Variants in FAM184B observed in about 807,000 individuals in gnomAD.
FAM184B encodes protein FAM184B.
Under a neutral mutation model 135.9 loss-of-function variants are expected in FAM184B, and 111 were observed. That is an observed-to-expected ratio of 0.82 (90% CI 0.70 to 0.96). FAM184B has a LOEUF of 0.96. Among genes scored for constraint, FAM184B ranks in the 40% least tolerant of loss-of-function variants. The pLI is 0.00. For missense variants in FAM184B, 1,375 were observed against 1,323.9 expected, an observed-to-expected ratio of 1.04 and a Z score of -0.60; for synonymous variants, 552 against 524.8, an observed-to-expected ratio of 1.05 and a Z score of -0.71.
At chr4:17,763,832 G>C (rs905582120) in intron 1 of FAM184B, among the ~76,000 whole-genome samples, 13 of 152,154 alleles carry the variant, frequency 8.5e-5, no homozygotes, top group African/African-American at 3.1e-4. Flanking sequence ...TGTTTGAGGG[G>C]CATGCTTTTT....
At chr4:17,684,557 C>T (rs1327169190) in intron 7 of FAM184B, among the ~76,000 whole-genome samples, 2 of 152,182 alleles carry the variant, frequency 1.3e-5, no homozygotes, top group African/African-American at 2.4e-5. Context: ...CATTGTTTTC[C>T]AGCTATTTGT....
intron 1 of FAM184B, among the ~76,000 whole-genome samples, chr4:17,748,011 G>A (rs1718210604): frequency 6.8e-6 from 1 of 147,864 alleles, no homozygotes; most frequent in Non-Finnish European, 1.5e-5. Flanking sequence ...GGCTGAGGCA[G>A]GAGAATCGCT....
At chr4:17,677,618 T>C (rs1047430721) in intron 7 of FAM184B, among the ~76,000 whole-genome samples, 2 of 152,156 alleles carry the variant, frequency 1.3e-5, no homozygotes, top group East Asian at 1.9e-4. Context: ...ATTAATCCTA[T>C]TGACACTAAT....
chr4:17,638,898 C>G (rs1261324007), intron 14 of FAM184B, among the ~76,000 whole-genome samples: 1 of 152,166 alleles, frequency 6.6e-6, no homozygotes, highest in East Asian at 1.9e-4. Context: ...GTGCAGGGTC[C>G]TGATCTCCGT....
chr4:17,777,496 A>C (rs1577299741), intron 1 of FAM184B, among the ~76,000 whole-genome samples: 1 of 152,244 alleles, frequency 6.6e-6, no homozygotes, highest in East Asian at 1.9e-4. Flanking sequence ...TAAATATTAA[A>C]AAAACTGTTA....
chr4:17,781,365 C>T lies in FAM184B; in HGVS notation c.-66G>A. On this transcript the variant is annotated 5_prime_UTR_variant, in exon 1 of 18. Transcript: ENST00000265018. This position sits in a 1 kb window ranked among gnomAD's most constrained non-coding sequence, Gnocchi z 6.5. ...CCTGCCCACCGTGTGCACGTGCGTG[C>T]GCGCGCGGGCGTGCGAGCGTGTGGG... 1 of 1,405,132 alleles carries T rather than the reference C, an allele frequency of 7.1e-7. No individual in the cohort carries two copies. The highest frequency in any genetic ancestry group is 9.3e-7 in the Non-Finnish European group (1 of 1,072,918). The allele number at this position is 1,405,132 out of a possible 1,614,324, so 87.0% of individuals were successfully genotyped here.
In FAM184B at chr4:17,707,915, G is replaced by C. The variant is rs1021130144; in HGVS notation, c.895-131C>G. ...AGAAGCCCTGAGTCAGTGGAATTCA[G>C]TGGCCCAGGGCTCATCAAATCTCTC... is the stretch of plus-strand genomic sequence containing the variant. On this transcript the variant is annotated intron_variant, in intron 2 of 17. Coordinates refer to ENST00000265018, the MANE Select transcript of FAM184B (RefSeq NM_015688.2). 1.1e-5 allele frequency: 11 copies of C among 982,818 alleles called. No homozygotes were observed. The Admixed American group carries it at 1.8e-4, about 16-fold the overall frequency. 60.9% of individuals were successfully genotyped at this position (982,818 alleles called of 1,614,324 possible). A position where few individuals can be genotyped will look rare whatever the true frequency, so the allele number is the denominator to read the frequency against.
chr4:17,742,719 C>T (rs1320354996), intron 1 of FAM184B, among the ~76,000 whole-genome samples: 1 of 152,214 alleles, frequency 6.6e-6, no homozygotes, highest in Non-Finnish European at 1.5e-5. Context: ...CCTTCCCATC[C>T]CGTTGGCAGC....
intron 15 of FAM184B, among the ~76,000 whole-genome samples, chr4:17,635,864 G>C (rs994616084): frequency 7.9e-5 from 12 of 152,158 alleles, no homozygotes; most frequent in Non-Finnish European, 1.0e-4. Context: ...AAGGGGCTTA[G>C]GGAGTGGCTT....
intron 7 of FAM184B, among the ~76,000 whole-genome samples, chr4:17,687,954 C>T (rs868684729): frequency 1.3e-5 from 2 of 152,150 alleles, no homozygotes; most frequent in South Asian, 2.1e-4. Flanking sequence ...CAGACAGAGA[C>T]AAACAGGAAC....
chr4:17,659,108 CTTTT>C (rs111265251), intron 9 of FAM184B, among the ~76,000 whole-genome samples: 2 of 142,908 alleles, frequency 1.4e-5, no homozygotes, highest in Admixed American at 7.0e-5. Flanking sequence ...TATAAAATAT[CTTTT>C]TTTTTTTTTT....
chr4:17,721,187 T>C (rs1171133443), intron 1 of FAM184B, among the ~76,000 whole-genome samples: 1 of 151,518 alleles, frequency 6.6e-6, no homozygotes, highest in African/African-American at 2.4e-5. Context: ...ATCGAGACCA[T>C]CCTGGCTAAC....
chr4:17,656,136 G>A (rs931460088), intron 10 of FAM184B, among the ~76,000 whole-genome samples: 9 of 152,066 alleles, frequency 5.9e-5, no homozygotes, highest in Admixed American at 6.5e-5. Flanking sequence ...GGAACTCCCC[G>A]CCTCAGGTGA....
intron 6 of FAM184B, among the ~76,000 whole-genome samples, chr4:17,689,694 G>A (rs1358283741): frequency 6.6e-6 from 1 of 151,896 alleles, no homozygotes; most frequent in African/African-American, 2.4e-5. Context: ...TGTTGCCCAG[G>A]CTGGTCTCAA....
chr4:17,709,773 T>A (rs1190403581), intron 1 of FAM184B, 129 bp from the exon 2 acceptor site: 1 of 827,330 alleles, frequency 1.2e-6, no homozygotes, highest in Admixed American at 3.5e-5. Context: ...AGGATTTGCG[T>A]GCAGGGGATT....
rs80185631 is a variant in FAM184B, at chr4:17,718,507, A to G, written c.142-8863T>C. Reference sequence around the variant, plus strand: ...GCAGACTACATTATTTGTCCGTATAATAATCTTCGCCCTTTCTTTCCCCTT... The same window carrying G: ...GCAGACTACATTATTTGTCCGTATAGTAATCTTCGCCCTTTCTTTCCCCTT... On this transcript the variant is annotated intron_variant, in intron 1 of 17. Coordinates refer to ENST00000265018, the MANE Select transcript of FAM184B (RefSeq NM_015688.2). Among the ~76,000 whole-genome samples the G allele has an allele frequency of 4.6e-3, 694 of 152,336 alleles. 27 individuals carry two copies. The East Asian group carries it at 0.083, about 18-fold the overall frequency.
intron 1 of FAM184B, among the ~76,000 whole-genome samples, chr4:17,711,929 G>A (rs1349918817): frequency 1.3e-5 from 2 of 152,202 alleles, no homozygotes; most frequent in East Asian, 1.9e-4. Context: ...TGAGTTGGAG[G>A]ACAGGAAGAA....
At chr4:17,641,927 T>C in intron 13 of FAM184B, 129 bp downstream of exon 13, 1 of 1,345,098 alleles carries the variant, frequency 7.4e-7, no homozygotes, top group Non-Finnish European at 9.8e-7. Context: ...GTCTAGTGTC[T>C]TGTGGGGCAG....
At chr4:17,760,639 T>C (rs1718525157) in intron 1 of FAM184B, among the ~76,000 whole-genome samples, 1 of 152,158 alleles carries the variant, frequency 6.6e-6, no homozygotes, top group Non-Finnish European at 1.5e-5. Context: ...AGCCTATCCA[T>C]AAGACATTCT....
Sources: gnomAD v4.1 joint callset for allele counts (sites outside exome capture counted in the v4.1 genomes callset) on GRCh38, gnomAD v4.1.1 for gene constraint, Gnocchi (gnomAD v3.1) non-coding constraint, MANE v1.5 for transcripts, NCBI Gene and HGNC (gene_info 2026-07-23, HGNC 2026-07-21) for gene names.